The following POLR1A variants were observed in gnomAD, a reference collection of about 807,000 sequenced individuals.
POLR1A encodes the protein DNA-directed RNA polymerase I subunit RPA1.
In POLR1A, 84 loss-of-function variants were observed where a neutral mutation model predicts 205.3. The observed-to-expected ratio is 0.41, with a 90% CI of 0.34 to 0.49. The LOEUF (loss-of-function observed/expected upper bound fraction) is 0.49. Among genes scored for constraint, POLR1A ranks in the 20% least tolerant of loss-of-function variants. The pLI, the probability that POLR1A is intolerant of heterozygous loss-of-function variation, is 0.22. For missense variants in POLR1A, 1,645 were observed against 2,204.5 expected, an observed-to-expected ratio of 0.75 and a Z score of 5.08; for synonymous variants, 799 against 863.7, an observed-to-expected ratio of 0.93 and a Z score of 1.31.
At chr2:86,097,051 T>C (rs1673716773) in intron 3 of POLR1A, among the ~76,000 whole-genome samples, 1 of 151,516 alleles carries the variant, frequency 6.6e-6, no homozygotes, top group Non-Finnish European at 1.5e-5. Context: ...GATTAAAAAA[T>C]GGGCAAATGA....
intron 1 of POLR1A, among the ~76,000 whole-genome samples, chr2:86,103,449 T>C (rs1271363100): frequency 6.6e-6 from 1 of 152,186 alleles, no homozygotes; most frequent in African/African-American, 2.4e-5. Flanking sequence ...CTGAGTGAGA[T>C]GGGAAGCTAT....
At chr2:86,040,620 C>T (rs1672583936) in intron 24 of POLR1A, 61 bp from the exon 25 acceptor site, 1 of 1,322,606 alleles carries the variant, frequency 7.6e-7, no homozygotes, top group Non-Finnish European at 1.0e-6. Context: ...GCAGACACCA[C>T]AGACTGTCAA....
chr2:86,050,454 C>A (rs1672783298), intron 16 of POLR1A, among the ~76,000 whole-genome samples: 1 of 152,210 alleles, frequency 6.6e-6, no homozygotes, highest in Non-Finnish European at 1.5e-5. Flanking sequence ...GGTTCAGCTA[C>A]AGGCCAACTA....
Position 86,098,771 on chromosome 2 carries a change from G to C in POLR1A, c.283-11C>G. The C allele has an allele frequency of 6.2e-7, 1 of 1,613,356 alleles. No individual in the cohort carries two copies. Among genetic ancestry groups the C allele is most frequent in the Non-Finnish European group, 8.5e-7 (1 of 1,179,610 alleles). The stretch of plus-strand genomic sequence containing the variant: ...CAGCAGGTACAGCTTCTGAAGAGAG[G>C]GAATAAAAACAAACAGGATATTAGA... On this transcript the variant is annotated splice_polypyrimidine_tract_variant and intron_variant, in intron 2 of 33. Transcript: ENST00000263857.
chr2:86,029,238 T>C (rs1672331849), intron 31 of POLR1A, among the ~76,000 whole-genome samples: 1 of 152,000 alleles, frequency 6.6e-6, no homozygotes, highest in Non-Finnish European at 1.5e-5. Context: ...CTGGGAAGTG[T>C]TTGGTAAAAG....
chr2:86,088,991 C>G, intron 4 of POLR1A, 121 bp from the exon 5 acceptor site: 1 of 658,918 alleles, frequency 1.5e-6, no homozygotes, highest in South Asian at 1.9e-5. Flanking sequence ...CCACCACTTT[C>G]TTAAACAAAA....
chr2:86,038,961 G>C, intron 26 of POLR1A, 104 bp from the exon 27 acceptor site: 1 of 1,056,756 alleles, frequency 9.5e-7, no homozygotes, highest in Non-Finnish European at 1.4e-6. Flanking sequence ...TAGCAGCTGA[G>C]ACCACAGGCC....
At chr2:86,094,397 C>T (rs1346402042) in intron 3 of POLR1A, among the ~76,000 whole-genome samples, 1 of 152,216 alleles carries the variant, frequency 6.6e-6, no homozygotes, top group African/African-American at 2.4e-5. Context: ...GCCCTTCACA[C>T]AGGCTTTTGT....
chr2:86,038,066 A>C (rs895190679), intron 27 of POLR1A, among the ~76,000 whole-genome samples: 2 of 152,164 alleles, frequency 1.3e-5, no homozygotes, highest in Non-Finnish European at 2.9e-5. Flanking sequence ...CCCAGTCCCC[A>C]AAAAGCCCAT....
intron 19 of POLR1A, among the ~76,000 whole-genome samples, chr2:86,046,963 T>C (rs969352100): frequency 1.3e-5 from 2 of 152,242 alleles, no homozygotes; most frequent in Admixed American, 1.3e-4. Context: ...ATCTACGTTA[T>C]ACATATCCCA....
chr2:86,092,438 TC>T (rs1673623626), intron 3 of POLR1A, among the ~76,000 whole-genome samples: 1 of 152,212 alleles, frequency 6.6e-6, no homozygotes, highest in African/African-American at 2.4e-5. Context: ...AGACAACTAG[TC>T]CCTGTGAGGA....
chr2:86,069,943 G>C (rs1673146455), intron 13 of POLR1A, 75 bp downstream of exon 13: 22 of 1,508,602 alleles, frequency 1.5e-5, no homozygotes, highest in Non-Finnish European at 1.6e-5. Flanking sequence ...TGACCCCAGG[G>C]GCTGGCAGGG....
At position 86,033,496 on chromosome 2, in the gene POLR1A, T is replaced by G. The variant is rs912564584; in HGVS notation, c.4161+165A>C. On this transcript the variant is annotated intron_variant, in intron 28 of 33. Transcript: ENST00000263857. ...TTGCCTGGCCCATCAGGCCAAGAAG[T>G]GAATGCTGCTTCTGGGCTCTCAGAA... is the stretch of plus-strand genomic sequence containing the variant. Among the ~76,000 whole-genome samples, 52 of 152,136 alleles carry G rather than the reference T, an allele frequency of 3.4e-4. 1 individual carries two copies. Among genetic ancestry groups the G allele is most frequent in the Non-Finnish European group, 1.0e-4 (7 of 68,018 alleles).
chr2:86,074,977 C>T (rs972742534), intron 12 of POLR1A, 53 bp downstream of exon 12: 30 of 1,284,776 alleles, frequency 2.3e-5, no homozygotes, highest in Non-Finnish European at 3.3e-5. Context: ...CACCAATCAC[C>T]AGAATCCGAA....
intron 13 of POLR1A, among the ~76,000 whole-genome samples, chr2:86,066,147 G>A (rs904820619): frequency 6.6e-6 from 1 of 152,228 alleles, no homozygotes; most frequent in African/African-American, 2.4e-5. Flanking sequence ...CAGTTTCACA[G>A]TTGAGGCCTG....
chr2:86,069,627 T>A (rs1397803343), intron 13 of POLR1A, among the ~76,000 whole-genome samples: 1 of 152,072 alleles, frequency 6.6e-6, no homozygotes, highest in African/African-American at 2.4e-5. Flanking sequence ...AAACTCATGT[T>A]TGTCAGAACA....
chr2:86,088,928 A>G, intron 4 of POLR1A, 58 bp from the exon 5 acceptor site: 5 of 1,231,604 alleles, frequency 4.1e-6, no homozygotes, highest in Non-Finnish European at 5.9e-6. Flanking sequence ...AGAATCCAAT[A>G]TATTTACTTT....
At chr2:86,088,277 T>TCAGG (rs1222006486) in intron 6 of POLR1A, among the ~76,000 whole-genome samples, 1 of 152,272 alleles carries the variant, frequency 6.6e-6, no homozygotes, top group Non-Finnish European at 1.5e-5. Flanking sequence ...GGTAAATTTC[T>TCAGG]TAATTTCTTC....
intron 12 of POLR1A, 82 bp downstream of exon 12, chr2:86,074,948 C>T (rs1476258178): frequency 9.3e-6 from 9 of 971,534 alleles, no homozygotes; most frequent in South Asian, 4.7e-5. Flanking sequence ...CAGTGCGCAC[C>T]GGAGCCACAC....
Sources: gnomAD v4.1 joint callset for allele counts (sites outside exome capture counted in the v4.1 genomes callset) on GRCh38, gnomAD v4.1.1 for gene constraint, MANE v1.5 for transcripts, NCBI Gene and HGNC (gene_info 2026-07-23, HGNC 2026-07-21) for gene names.